OSBPL10: variants seen among roughly 807,000 people sequenced by gnomAD.
The protein encoded by OSBPL10 is oxysterol-binding protein-related protein 10.
In OSBPL10, 49 loss-of-function variants were observed where a neutral mutation model predicts 81.7. The observed-to-expected ratio is 0.60, with a 90% CI of 0.48 to 0.76. The LOEUF is 0.76. OSBPL10 is among the 30% of genes least tolerant of loss of function. The pLI, the probability that OSBPL10 is intolerant of heterozygous loss-of-function variation, is 0.00. For missense variants in OSBPL10, 923 were observed against 987.8 expected, an observed-to-expected ratio of 0.93 and a Z score of 0.88; for synonymous variants, 419 against 383.6, an observed-to-expected ratio of 1.09 and a Z score of -1.08.
intron 7 of OSBPL10, among the ~76,000 whole-genome samples, chr3:31,684,849 A>G (rs1392118816): frequency 1.3e-5 from 2 of 152,214 alleles, no homozygotes; most frequent in African/African-American, 4.8e-5. Flanking sequence ...CTGGCACTTA[A>G]CATACAGAAC....
At chr3:32,069,404 C>T (rs904529673) in intron 1 of OSBPL10, among the ~76,000 whole-genome samples, 6 of 151,918 alleles carry the variant, frequency 3.9e-5, no homozygotes, top group South Asian at 2.1e-4. Context: ...TATAGCTAGG[C>T]GAGATTACAT....
chr3:31,743,509 G>A (rs373768389), intron 5 of OSBPL10, among the ~76,000 whole-genome samples: 10 of 152,304 alleles, frequency 6.6e-5, no homozygotes, highest in East Asian at 1.9e-4. Flanking sequence ...CAGTCTGGCT[G>A]CTCAATGTGT....
intron 6 of OSBPL10, chr3:31,711,185 G>T (rs895968483): frequency 1.3e-5 from 2 of 152,198 alleles, no homozygotes; most frequent in East Asian, 3.9e-4. Context: ...GCCCATTCTG[G>T]CACTTAGCAA....
At chr3:32,007,121 C>T (rs1699213036) in intron 2 of OSBPL10, among the ~76,000 whole-genome samples, 1 of 152,018 alleles carries the variant, frequency 6.6e-6, no homozygotes, top group Non-Finnish European at 1.5e-5. Context: ...ACATATAGTA[C>T]TTGGAATCCA....
intron 7 of OSBPL10, among the ~76,000 whole-genome samples, chr3:31,691,761 C>T (rs190924031): frequency 4.6e-5 from 7 of 152,066 alleles, no homozygotes; most frequent in Admixed American, 3.9e-4. Flanking sequence ...GACTTCATAA[C>T]CTTGGGAGCC....
intron 3 of OSBPL10, among the ~76,000 whole-genome samples, chr3:31,871,623 C>A (rs1347877278): frequency 6.6e-6 from 1 of 152,208 alleles, no homozygotes; most frequent in Non-Finnish European, 1.5e-5. Flanking sequence ...ATAATCCCAG[C>A]ACTTTGGGAG....
chr3:32,059,429 A>C (rs752522885), intron 1 of OSBPL10, among the ~76,000 whole-genome samples: 1 of 151,840 alleles, frequency 6.6e-6, no homozygotes, highest in Non-Finnish European at 1.5e-5. Flanking sequence ...TCTACTAAAA[A>C]TACAAAAAAA....
chr3:31,877,270 AC>A (rs1420034139), intron 2 of OSBPL10, among the ~76,000 whole-genome samples: 1 of 152,150 alleles, frequency 6.6e-6, no homozygotes, highest in African/African-American at 2.4e-5. Context: ...ATTAACATTT[AC>A]AAAATAAGCA....
rs1041280812 is a variant in OSBPL10 at position 31,771,467 on chromosome 3, G to A, written c.730-23347C>T. 2.0e-5 allele frequency among the ~76,000 whole-genome samples: 3 copies of A among 152,144 alleles called. No homozygotes were observed. The South Asian group carries it at 6.2e-4, about 32-fold the overall frequency. On this transcript the variant is annotated intron_variant, in intron 4 of 11. Coordinates refer to ENST00000396556, the MANE Select transcript of OSBPL10 (RefSeq NM_017784.5). ...AGGCCTTTCCTTGGCTTTGAAGCATGACAAGATAAAGAAGGAATTATTAAC... is the reference window on the plus strand; with the variant it reads ...AGGCCTTTCCTTGGCTTTGAAGCATAACAAGATAAAGAAGGAATTATTAAC...
At chr3:31,869,212 G>A (rs1299078791) in intron 3 of OSBPL10, among the ~76,000 whole-genome samples, 1 of 149,890 alleles carries the variant, frequency 6.7e-6, no homozygotes. Context: ...GGAGACAGAG[G>A]TTCAGAAAGT....
chr3:31,760,714 C>T (rs949195053), intron 4 of OSBPL10, among the ~76,000 whole-genome samples: 2 of 152,074 alleles, frequency 1.3e-5, no homozygotes, highest in African/African-American at 2.4e-5. Flanking sequence ...GGCTACAGGC[C>T]ATAATCATGT....
intron 1 of OSBPL10, among the ~76,000 whole-genome samples, chr3:31,914,250 C>T (rs1290448153): frequency 6.6e-6 from 1 of 152,084 alleles, no homozygotes; most frequent in African/African-American, 2.4e-5. Flanking sequence ...ACGGTCCTAA[C>T]CAAGATCAGT....
At chr3:31,900,152 T>TAGC (rs1269180708) in intron 1 of OSBPL10, among the ~76,000 whole-genome samples, 1 of 151,738 alleles carries the variant, frequency 6.6e-6, no homozygotes, top group African/African-American at 2.4e-5. Flanking sequence ...ACTTCCCCAG[T>TAGC]AGCTGGGACT....
intron 1 of OSBPL10, among the ~76,000 whole-genome samples, chr3:31,949,698 A>AG (rs1697814108): frequency 2.9e-5 from 4 of 139,870 alleles, no homozygotes; most frequent in Non-Finnish European, 6.3e-5. Flanking sequence ...AAAAAAAAAA[A>AG]AAGGATACTG....
Position 31,804,663 on chromosome 3 carries a change from C to T in OSBPL10, c.729+25377G>A, listed in dbSNP as rs527592790. ...GCTCCCCATCCCACAGTGGCCATAACGTAACAGCGCCTACCAAACGCGCTT... is the reference window on the plus strand; with the variant it reads ...GCTCCCCATCCCACAGTGGCCATAATGTAACAGCGCCTACCAAACGCGCTT... On this transcript the variant is annotated intron_variant, in intron 4 of 11. Coordinates refer to ENST00000396556, the MANE Select transcript of OSBPL10 (RefSeq NM_017784.5). 1.2e-4 allele frequency among the ~76,000 whole-genome samples: 18 copies of T among 152,304 alleles called. No individual in the cohort carries two copies. The East Asian group carries it at 2.3e-3, about 20-fold the overall frequency.
At chr3:31,743,833 C>T (rs1207396297) in intron 5 of OSBPL10, among the ~76,000 whole-genome samples, 2 of 152,202 alleles carry the variant, frequency 1.3e-5, no homozygotes, top group Admixed American at 6.5e-5. Context: ...TCAGCCCAAC[C>T]TGGCACTTCT....
At position 31,684,004 on chromosome 3, in the gene OSBPL10, C is replaced by A; in HGVS notation, c.1356G>T (p.Glu452Asp). 1 of 1,614,234 alleles carries A rather than the reference C, an allele frequency of 6.2e-7. No homozygotes were observed. Among genetic ancestry groups the A allele is most frequent in the Non-Finnish European group, 8.5e-7 (1 of 1,180,050 alleles). ...ACTCAACGAAGCAAATGACTCTCTC[C>A]TCTGGTGTGGCCCCAGCGGTGATGG... ...LLAITAGATP[E>D]ERVICFVEYY... The change falls in exon 8 of 12, where the codon GAG becomes GAT. Residue 452 changes from glutamate to aspartate, a missense_variant. Glu to Asp is a conservative substitution (Grantham distance 45). Coordinates refer to ENST00000396556, the MANE Select transcript of OSBPL10 (RefSeq NM_017784.5).
intron 1 of OSBPL10, among the ~76,000 whole-genome samples, chr3:31,892,465 G>A (rs1559507707): frequency 6.6e-6 from 1 of 152,096 alleles, no homozygotes; most frequent in Non-Finnish European, 1.5e-5. Context: ...GGAGCAGAAA[G>A]GCGGCTGCAG....
chr3:31,956,179 G>T (rs1455245397), intron 1 of OSBPL10, among the ~76,000 whole-genome samples: 1 of 152,134 alleles, frequency 6.6e-6, no homozygotes, highest in African/African-American at 2.4e-5. Flanking sequence ...CTTCTAAATG[G>T]CTCTGATCCT....
Sources: gnomAD v4.1 joint callset for allele counts (sites outside exome capture counted in the v4.1 genomes callset) on GRCh38, gnomAD v4.1.1 for gene constraint, MANE v1.5 for transcripts, NCBI Gene and HGNC (gene_info 2026-07-23, HGNC 2026-07-21) for gene names.